Variants in FSTL5 observed in about 807,000 individuals in gnomAD.
FSTL5 encodes the protein follistatin-related protein 5.
In FSTL5, 62 loss-of-function variants were observed where a neutral mutation model predicts 89.1. That is an observed-to-expected ratio of 0.70 (90% CI 0.57 to 0.86). The LOEUF (loss-of-function observed/expected upper bound fraction) is 0.86. Ranked by LOEUF, FSTL5 falls within the 40% of genes least tolerant of loss-of-function variation. The pLI is 0.00. For synonymous variants in FSTL5, 383 were observed against 346.2 expected (o/e 1.11, Z -1.18); for missense variants, 1,057 against 1,001.6 (o/e 1.06, Z -0.75).
chr4:162,087,280 A>G (rs1730357964), intron 2 of FSTL5, among the ~76,000 whole-genome samples: 1 of 152,140 alleles, frequency 6.6e-6, no homozygotes, highest in African/African-American at 2.4e-5. Flanking sequence ...TACTTCAATT[A>G]ATGAAAGTTA....
At chr4:161,930,784 AC>A in intron 3 of FSTL5, among the ~76,000 whole-genome samples, 1 of 151,936 alleles carries the variant, frequency 6.6e-6, no homozygotes, top group African/African-American at 2.4e-5. Context: ...TTCTCCAAAA[AC>A]TTTGTTTATC....
chr4:161,559,563 GAA>G (rs1732515476), intron 8 of FSTL5, among the ~76,000 whole-genome samples: 1 of 151,842 alleles, frequency 6.6e-6, no homozygotes, highest in Admixed American at 6.6e-5. Flanking sequence ...AGTACACTGT[GAA>G]AAGTCTCCCT....
intron 2 of FSTL5, among the ~76,000 whole-genome samples, chr4:162,097,061 C>A (rs1361921349): frequency 6.6e-6 from 1 of 151,780 alleles, no homozygotes; most frequent in African/African-American, 2.4e-5. Flanking sequence ...ACAGTTATAT[C>A]TTTTTTTACT....
chr4:162,138,191 T>G (rs2111473185), intron 1 of FSTL5, among the ~76,000 whole-genome samples: 1 of 152,270 alleles, frequency 6.6e-6, no homozygotes, highest in South Asian at 2.1e-4. Flanking sequence ...TTCAATGTAC[T>G]AAGTAATATG....
chr4:161,499,195 C>T (rs969319818), intron 12 of FSTL5, among the ~76,000 whole-genome samples: 1 of 152,082 alleles, frequency 6.6e-6, no homozygotes, highest in Non-Finnish European at 1.5e-5. Context: ...GAGCAAGATT[C>T]TGTCTTAAAA....
chr4:161,745,173 C>T (rs1002593877), intron 6 of FSTL5, among the ~76,000 whole-genome samples: 2 of 152,024 alleles, frequency 1.3e-5, no homozygotes, highest in Admixed American at 6.6e-5. Context: ...TCTCCATAAA[C>T]TATTAAAAAA....
chr4:161,759,441 G>C lies in FSTL5; in HGVS notation c.697C>G (p.Leu233Val). 1 of 1,593,978 alleles carries C rather than the reference G, an allele frequency of 6.3e-7. No individual in the cohort carries two copies. The highest frequency in any genetic ancestry group is 1.7e-4 in the Middle Eastern group (1 of 5,996). Residue 233 changes from leucine (L) to valine (V), a missense_variant, in exon 6 of 16, where the codon CTG becomes GTG. Coordinates refer to ENST00000306100, the MANE Select transcript of FSTL5 (RefSeq NM_020116.5). Reference sequence around the variant, plus strand: ...GCTCTATAAAATTCTTCAAGAGCCAGGTGCTTGTCAGCATTAAAATCATCA... The same window carrying C: ...GCTCTATAAAATTCTTCAAGAGCCACGTGCTTGTCAGCATTAAAATCATCA... ...KYDDFNADKH[L>V]ALEEFYRAFQ...
At chr4:161,831,442 T>A (rs1730841601) in intron 4 of FSTL5, among the ~76,000 whole-genome samples, 2 of 151,846 alleles carry the variant, frequency 1.3e-5, no homozygotes, top group Admixed American at 1.3e-4. Context: ...TTTGTGGCAT[T>A]TTTGAGGAGG....
intron 13 of FSTL5, among the ~76,000 whole-genome samples, chr4:161,465,514 T>A (rs1733719582): frequency 6.6e-6 from 1 of 152,094 alleles, no homozygotes; most frequent in Non-Finnish European, 1.5e-5. Flanking sequence ...CCTCCAACTC[T>A]GGTCACAAGC....
intron 13 of FSTL5, among the ~76,000 whole-genome samples, chr4:161,471,977 ATCT>A (rs1733957293): frequency 9.7e-6 from 1 of 103,454 alleles, no homozygotes. Context: ...AATTTTCTTG[ATCT>A]TTTTTTTTTT....
At chr4:161,633,454 C>T (rs1735571928) in intron 7 of FSTL5, among the ~76,000 whole-genome samples, 1 of 151,944 alleles carries the variant, frequency 6.6e-6, no homozygotes, top group Admixed American at 6.6e-5. Context: ...TCAAGTGATT[C>T]TCCTGCCTCA....
intron 3 of FSTL5, among the ~76,000 whole-genome samples, chr4:161,962,354 A>T (rs1275368056): frequency 6.6e-6 from 1 of 151,972 alleles, no homozygotes; most frequent in Non-Finnish European, 1.5e-5. Flanking sequence ...TTATTTTGAT[A>T]CGAATTGGAA....
intron 13 of FSTL5, among the ~76,000 whole-genome samples, chr4:161,469,731 G>A (rs890400298): frequency 6.6e-6 from 1 of 151,362 alleles, no homozygotes; most frequent in Non-Finnish European, 1.5e-5. Flanking sequence ...TCCGCCTCCC[G>A]GGTTCACGCC....
At chr4:162,090,475 G>A (rs1050580997) in intron 2 of FSTL5, among the ~76,000 whole-genome samples, 5 of 152,040 alleles carry the variant, frequency 3.3e-5, no homozygotes, top group Non-Finnish European at 7.4e-5. Context: ...CACCCAACAA[G>A]CATGTGAAAT....
At chr4:161,512,821 C>T (rs1427280569) in intron 10 of FSTL5, among the ~76,000 whole-genome samples, 1 of 151,994 alleles carries the variant, frequency 6.6e-6, no homozygotes, top group Non-Finnish European at 1.5e-5. Context: ...CAATCTCGGT[C>T]TGTTTCTTTA....
rs374334658 is a variant in FSTL5, at chr4:162,041,050, T to C, written c.127-7392A>G. Among the ~76,000 whole-genome samples, 72 of 152,116 alleles carry C rather than the reference T, an allele frequency of 4.7e-4. 2 individuals carry two copies. The highest frequency in any genetic ancestry group is 1.9e-3 in the Admixed American group (29 of 15,246). On this transcript the variant is annotated intron_variant, in intron 2 of 15. Coordinates refer to ENST00000306100, the MANE Select transcript of FSTL5 (RefSeq NM_020116.5). ...GGATAGGCAGAGACACACACAGATA[T>C]ATGCCATAAAATGTGATATTCAATA...
At chr4:161,467,538 TTGTC>T (rs1191279664) in intron 13 of FSTL5, among the ~76,000 whole-genome samples, 1 of 152,168 alleles carries the variant, frequency 6.6e-6, no homozygotes, top group African/African-American at 2.4e-5. Flanking sequence ...GTCAATATCT[TTGTC>T]TGTAAAACTG....
At chr4:161,485,860 G>A (rs139511413) in intron 12 of FSTL5, among the ~76,000 whole-genome samples, 169 of 152,114 alleles carry the variant, frequency 1.1e-3, no homozygotes, top group African/African-American at 3.9e-3. Context: ...TAATGAGGCC[G>A]GGCGCAGCAG....
chr4:161,948,480 TC>T (rs1734798492), intron 3 of FSTL5, among the ~76,000 whole-genome samples: 1 of 79,446 alleles, frequency 1.3e-5, no homozygotes, highest in African/African-American at 4.6e-5. Flanking sequence ...TTTTTTCTTT[TC>T]TTTCTTTTTT....
Sources: allele counts gnomAD v4.1 joint callset (sites outside exome capture counted in the v4.1 genomes callset), GRCh38; gene constraint gnomAD v4.1.1; transcripts MANE v1.5; gene names NCBI Gene and HGNC (gene_info 2026-07-23, HGNC 2026-07-21).